Variants in CCDC85A observed in about 807,000 individuals in gnomAD.
The protein encoded by CCDC85A is coiled-coil domain-containing protein 85A.
A neutral mutation model predicts 50.2 loss-of-function variants in CCDC85A; 38 were observed. That is an observed-to-expected ratio of 0.76 (90% CI 0.58 to 0.99). CCDC85A has a LOEUF of 0.99. Among genes scored for constraint, CCDC85A ranks in the 50% least tolerant of loss-of-function variants. CCDC85A has a pLI of 0.00. For synonymous variants in CCDC85A, 366 were observed against 301.4 expected, an observed-to-expected ratio of 1.21 and a Z score of -2.22; for missense variants, 820 against 742.0, an observed-to-expected ratio of 1.11 and a Z score of -1.22.
At chr2:56,267,220 C>A (rs976410936) in intron 2 of CCDC85A, among the ~76,000 whole-genome samples, 5 of 152,168 alleles carry the variant, frequency 3.3e-5, no homozygotes, top group African/African-American at 1.2e-4. Flanking sequence ...AGACCCCACG[C>A]TCTTGCCAGT....
intron 5 of CCDC85A, among the ~76,000 whole-genome samples, chr2:56,378,431 G>T (rs1676439643): frequency 6.6e-6 from 1 of 152,170 alleles, no homozygotes; most frequent in Non-Finnish European, 1.5e-5. Context: ...TAACTGATTT[G>T]AAGTACACTT....
intron 2 of CCDC85A, among the ~76,000 whole-genome samples, chr2:56,205,097 A>T (rs1452066621): frequency 6.6e-6 from 1 of 152,114 alleles, no homozygotes; most frequent in African/African-American, 2.4e-5. Flanking sequence ...TTGCTTAGTA[A>T]GATGGTGCTC....
intron 2 of CCDC85A, among the ~76,000 whole-genome samples, chr2:56,218,770 G>A (rs974795266): frequency 6.6e-6 from 1 of 151,546 alleles, no homozygotes; most frequent in Non-Finnish European, 1.5e-5. Context: ...TTTCCCTATG[G>A]CACCAACTTG....
Position 56,384,472 on chromosome 2 carries a change from G to T in CCDC85A, c.*117G>T. 4.9e-6 allele frequency: 4 copies of T among 813,246 alleles called. No individual in the cohort carries two copies. Among genetic ancestry groups the T allele is most frequent in the African/African-American group, 3.4e-5 (2 of 58,314 alleles). 50.4% of individuals were successfully genotyped at this position (813,246 alleles called of 1,614,324 possible). A position where few individuals can be genotyped will look rare whatever the true frequency, so the allele number is the denominator to read the frequency against. On this transcript the variant is annotated 3_prime_UTR_variant, in exon 6 of 6. Transcript: ENST00000407595. Reference sequence around the variant, plus strand: ...ACTCATGGAATAACATGGAGTGATTGTACATTGCACATATCTCCCCTCTAA... The same window carrying T: ...ACTCATGGAATAACATGGAGTGATTTTACATTGCACATATCTCCCCTCTAA...
At chr2:56,365,179 A>G (rs1390440959) in intron 3 of CCDC85A, among the ~76,000 whole-genome samples, 1 of 152,178 alleles carries the variant, frequency 6.6e-6, no homozygotes, top group Non-Finnish European at 1.5e-5. Flanking sequence ...GGTTCTCTGA[A>G]TTGAAGCTGC....
chr2:56,239,919 G>A (rs907583766), intron 2 of CCDC85A, among the ~76,000 whole-genome samples: 20 of 152,068 alleles, frequency 1.3e-4, no homozygotes, highest in African/African-American at 4.1e-4. Flanking sequence ...TTTATGGTAA[G>A]TTTATAATGG....
Position 56,328,788 on chromosome 2 carries a change from A to C in CCDC85A, c.1241-14091A>C, listed in dbSNP as rs1446537071. Among the ~76,000 whole-genome samples, 5 of 152,062 alleles carry C rather than the reference A, an allele frequency of 3.3e-5. 1 individual carries two copies. The highest frequency in any genetic ancestry group is 3.3e-4 in the Admixed American group (5 of 15,272). On this transcript the variant is annotated intron_variant, in intron 2 of 5. Transcript: ENST00000407595. ...GCTGTACCTCCTGGAGACGTATTGA[A>C]TCTGGCTGCTTTCTGCGCCACTGCC...
intron 2 of CCDC85A, among the ~76,000 whole-genome samples, chr2:56,234,029 C>T (rs373629175): frequency 2.0e-5 from 3 of 152,266 alleles, no homozygotes; most frequent in East Asian, 1.9e-4. Flanking sequence ...TCTAAAAGCT[C>T]GGTTATGAGG....
At chr2:56,285,967 G>T (rs2104122307) in intron 2 of CCDC85A, among the ~76,000 whole-genome samples, 1 of 152,008 alleles carries the variant, frequency 6.6e-6, no homozygotes, top group Non-Finnish European at 1.5e-5. Flanking sequence ...CAGATTTGAA[G>T]GATATATTTA....
At chr2:56,288,438 T>C (rs1361500949) in intron 2 of CCDC85A, among the ~76,000 whole-genome samples, 1 of 152,200 alleles carries the variant, frequency 6.6e-6, no homozygotes, top group Non-Finnish European at 1.5e-5. Flanking sequence ...ACTAGTTTAA[T>C]GTTTTTGATT....
chr2:56,200,200 A>T (rs1286215005), intron 2 of CCDC85A, among the ~76,000 whole-genome samples: 1 of 152,236 alleles, frequency 6.6e-6, no homozygotes, highest in Non-Finnish European at 1.5e-5. Context: ...TTGACTACAG[A>T]TAAGTGAGGC....
rs1223346736 is a variant in CCDC85A, at chr2:56,193,353, G to A, written c.1153G>A (p.Gly385Ser). Reference protein sequence around the residue: ...GGGSGGSGGSGGGSREGTLRR... With the variant: ...GGGSGGSGGSSGGSREGTLRR... ...AGGCAGTGGAGGAAGTGGAGGCAGC[G>A]GCGGAGGCAGCAGGGAGGGCACCCT... Residue 385 changes from glycine to serine, a missense_variant, in exon 2 of 6, where the codon GGC (glycine) becomes AGC (serine). Transcript: ENST00000407595. The A allele has an allele frequency of 1.2e-6, 2 of 1,611,404 alleles. No individual in the cohort carries two copies. Among genetic ancestry groups the A allele is most frequent in the African/African-American group, 1.3e-5 (1 of 75,000 alleles).
At chr2:56,337,368 A>T (rs954729217) in intron 2 of CCDC85A, among the ~76,000 whole-genome samples, 7 of 152,140 alleles carry the variant, frequency 4.6e-5, no homozygotes, top group African/African-American at 1.7e-4. Flanking sequence ...CCCAGGGTGG[A>T]AAGAGAAATA....
At chr2:56,358,788 T>C (rs7602657) in intron 3 of CCDC85A, among the ~76,000 whole-genome samples, 30,349 of 107,384 alleles carry the variant, frequency 0.28, 3,214 homozygotes, top group East Asian at 0.37. Flanking sequence ...TCTTTTTTTC[T>C]TTCTTTTTTT....
At position 56,348,042 on chromosome 2, in the gene CCDC85A, GTTA is replaced by G. The variant is rs1352531274; in HGVS notation, c.1317+5094_1317+5096del. Among the ~76,000 whole-genome samples, 5 of 152,280 alleles carry G rather than the reference GTTA, an allele frequency of 3.3e-5. No homozygotes were observed. The East Asian group carries it at 9.6e-4, about 29-fold the overall frequency. The stretch of plus-strand genomic sequence containing the variant: ...ATTCACATGTAATGCTGAGGTAAAA[GTTA>G]TTATTAAACTATTCTCACCTATTTT... On this transcript the variant is annotated intron_variant, in intron 3 of 5. Transcript: ENST00000407595.
At chr2:56,266,333 G>T (rs1166813844) in intron 2 of CCDC85A, among the ~76,000 whole-genome samples, 1 of 152,176 alleles carries the variant, frequency 6.6e-6, no homozygotes, top group Non-Finnish European at 1.5e-5. Context: ...TACTCAGAAG[G>T]CTGAGATGGG....
At chr2:56,335,974 G>C (rs1674052355) in intron 2 of CCDC85A, among the ~76,000 whole-genome samples, 3 of 151,972 alleles carry the variant, frequency 2.0e-5, no homozygotes, top group Non-Finnish European at 2.9e-5. Flanking sequence ...ACCTCTTAAA[G>C]GTCCCACCTC....
At chr2:56,314,397 C>T (rs13428805) in intron 2 of CCDC85A, among the ~76,000 whole-genome samples, 2,626 of 151,912 alleles carry the variant, frequency 0.017, 86 homozygotes, top group African/African-American at 0.06. Flanking sequence ...GTTTCCTCAT[C>T]TGTGGAATGA....
intron 2 of CCDC85A, among the ~76,000 whole-genome samples, chr2:56,253,676 A>T (rs1379781001): frequency 1.3e-5 from 2 of 152,212 alleles, no homozygotes; most frequent in East Asian, 1.9e-4. Context: ...GTCAAGGCTG[A>T]TGGTAGCAAT....
Sources: allele counts gnomAD v4.1 joint callset (sites outside exome capture counted in the v4.1 genomes callset), GRCh38; gene constraint gnomAD v4.1.1; transcripts MANE v1.5; gene names NCBI Gene and HGNC (gene_info 2026-07-23, HGNC 2026-07-21).